Variants in GALNTL6 observed in about 807,000 individuals in gnomAD.
GALNTL6 encodes polypeptide N-acetylgalactosaminyltransferase-like 6.
Under a neutral mutation model 73.7 loss-of-function variants are expected in GALNTL6, and 46 were observed. The ratio of observed to expected loss-of-function variants is 0.62; its 90% CI spans 0.49 to 0.80. The LOEUF is 0.80. GALNTL6 is among the 30% of genes least tolerant of loss of function. GALNTL6 has a pLI of 0.00. For missense variants in GALNTL6, 604 were observed against 755.0 expected (o/e 0.80, Z 2.34); for synonymous variants, 259 against 263.7 (o/e 0.98, Z 0.17).
intron 10 of GALNTL6, among the ~76,000 whole-genome samples, chr4:172,960,688 T>C (rs540699779): frequency 6.6e-6 from 1 of 152,280 alleles, no homozygotes; most frequent in East Asian, 1.9e-4. Flanking sequence ...ACAAGAATTA[T>C]CTAGATCTTG....
chr4:172,012,779 T>G (rs749499273), intron 2 of GALNTL6, among the ~76,000 whole-genome samples: 3 of 152,188 alleles, frequency 2.0e-5, no homozygotes, highest in Non-Finnish European at 4.4e-5. Flanking sequence ...TAAATTTATT[T>G]TTTGAGGACT....
intron 5 of GALNTL6, among the ~76,000 whole-genome samples, chr4:172,779,646 AGGGG>A (rs1739270336): frequency 6.6e-6 from 1 of 152,220 alleles, no homozygotes; most frequent in African/African-American, 2.4e-5. Context: ...GTGTCTTTTT[AGGGG>A]AATGGTTACT....
intron 5 of GALNTL6, among the ~76,000 whole-genome samples, chr4:172,373,764 G>C (rs929624763): frequency 6.6e-6 from 1 of 152,230 alleles, no homozygotes; most frequent in Non-Finnish European, 1.5e-5. Flanking sequence ...AGAAAGGCAT[G>C]TGAAAAGAGC....
At chr4:172,488,930 A>G (rs1392053202) in intron 5 of GALNTL6, among the ~76,000 whole-genome samples, 6 of 152,186 alleles carry the variant, frequency 3.9e-5, no homozygotes, top group Non-Finnish European at 8.8e-5. Context: ...TGATCTAGCA[A>G]CACTGGCATT....
chr4:172,095,984 TTCTTTTCTC>T (rs143238766), intron 2 of GALNTL6, among the ~76,000 whole-genome samples: 7 of 152,128 alleles, frequency 4.6e-5, no homozygotes, highest in African/African-American at 7.2e-5. Flanking sequence ...TCTCTCTCTT[TTCTTTTCTC>T]TCTTTTCTAT....
chr4:172,909,803 A>C (rs918092723), intron 8 of GALNTL6, among the ~76,000 whole-genome samples: 4 of 152,048 alleles, frequency 2.6e-5, no homozygotes, highest in African/African-American at 9.7e-5. Context: ...ATAAACTCAC[A>C]CCTGTGTGAA....
intron 2 of GALNTL6, among the ~76,000 whole-genome samples, chr4:172,021,766 G>A (rs1441428997): frequency 6.6e-6 from 1 of 151,910 alleles, no homozygotes; most frequent in Non-Finnish European, 1.5e-5. Context: ...AAACATAATA[G>A]AGAACACAGA....
chr4:172,789,261 T>C (rs1307530661), intron 5 of GALNTL6, among the ~76,000 whole-genome samples: 1 of 152,164 alleles, frequency 6.6e-6, no homozygotes, highest in Non-Finnish European at 1.5e-5. Context: ...CAATTAATTT[T>C]CTGTAACAGC....
At chr4:173,031,967 A>C (rs975943342) in intron 12 of GALNTL6, among the ~76,000 whole-genome samples, 1 of 152,222 alleles carries the variant, frequency 6.6e-6, no homozygotes, top group African/African-American at 2.4e-5. Context: ...GGAGACTTTT[A>C]CCTTTTTAGA....
intron 10 of GALNTL6, 75 bp from the exon 11 acceptor site, chr4:173,009,103 T>A (rs1176978114): frequency 2.1e-6 from 2 of 943,362 alleles, no homozygotes; most frequent in Non-Finnish European, 3.5e-6. Context: ...TTACTTAATC[T>A]ACACCATGGT....
intron 2 of GALNTL6, among the ~76,000 whole-genome samples, chr4:171,923,569 T>C (rs1304413691): frequency 6.7e-6 from 1 of 149,740 alleles, no homozygotes; most frequent in African/African-American, 2.5e-5. Context: ...GGCTAATTTT[T>C]TTTTTTTTTT....
At position 172,048,038 on chromosome 4, in the gene GALNTL6, C is replaced by A. The variant is rs1049606304; in HGVS notation, c.139-181618C>A. Among the ~76,000 whole-genome samples the A allele has an allele frequency of 2.0e-5, 3 of 152,166 alleles. No individual in the cohort carries two copies. The South Asian group carries it at 6.2e-4, about 32-fold the overall frequency. ...ACATCGCAAACTCTTTGTGTAAACT[C>A]CACAAAGACAGGAACCTTGTTTATC... On this transcript the variant is annotated intron_variant, in intron 2 of 12. Transcript: ENST00000506823.
At chr4:172,973,925 A>G (rs1290866641) in intron 10 of GALNTL6, among the ~76,000 whole-genome samples, 1 of 152,226 alleles carries the variant, frequency 6.6e-6, no homozygotes, top group Non-Finnish European at 1.5e-5. Flanking sequence ...TAGATGAGGA[A>G]GTACGTAAAA....
At chr4:172,844,717 C>G (rs770895896) in intron 7 of GALNTL6, among the ~76,000 whole-genome samples, 3 of 152,062 alleles carry the variant, frequency 2.0e-5, no homozygotes, top group Non-Finnish European at 4.4e-5. Context: ...TAAACAGATG[C>G]GCAGTGTGAC....
chr4:172,678,917 T>C (rs1019071414), intron 5 of GALNTL6, among the ~76,000 whole-genome samples: 1 of 152,194 alleles, frequency 6.6e-6, no homozygotes, highest in African/African-American at 2.4e-5. Context: ...ATAGTATACA[T>C]TGTAGCCTTT....
chr4:172,399,615 T>C (rs1743969564), intron 5 of GALNTL6, among the ~76,000 whole-genome samples: 1 of 152,136 alleles, frequency 6.6e-6, no homozygotes, highest in South Asian at 2.1e-4. Flanking sequence ...TAAAGTATTG[T>C]TAGATAAATA....
At chr4:172,044,899 A>G (rs1288418735) in intron 2 of GALNTL6, among the ~76,000 whole-genome samples, 2 of 152,056 alleles carry the variant, frequency 1.3e-5, no homozygotes, top group African/African-American at 4.8e-5. Context: ...CTACAAAATT[A>G]TATTTCAATT....
intron 5 of GALNTL6, among the ~76,000 whole-genome samples, chr4:172,522,676 C>A (rs865865163): frequency 0.015 from 1,019 of 67,084 alleles, 20 homozygotes; most frequent in Admixed American, 0.024. Context: ...CCCCCCCCCC[C>A]CCAAAAAAAA....
At chr4:172,875,616 A>T (rs2111174476) in intron 7 of GALNTL6, among the ~76,000 whole-genome samples, 1 of 152,220 alleles carries the variant, frequency 6.6e-6, no homozygotes, top group African/African-American at 2.4e-5. Flanking sequence ...CCTACTGAAC[A>T]GCAGGAAAGA....
Sources: allele counts gnomAD v4.1 joint callset (sites outside exome capture counted in the v4.1 genomes callset), GRCh38; gene constraint gnomAD v4.1.1; transcripts MANE v1.5; gene names NCBI Gene and HGNC (gene_info 2026-07-23, HGNC 2026-07-21).